The following INPP4B variants were observed in gnomAD, a reference collection of about 807,000 sequenced individuals.
INPP4B encodes the protein inositol polyphosphate-4-phosphatase type II B.
A neutral mutation model predicts 122.5 loss-of-function variants in INPP4B; 55 were observed. The ratio of observed to expected loss-of-function variants is 0.45; its 90% CI spans 0.36 to 0.56. INPP4B has a LOEUF of 0.56. Ranked by LOEUF, INPP4B falls within the 20% of genes least tolerant of loss-of-function variation. The pLI, the probability that INPP4B is intolerant of heterozygous loss-of-function variation, is 0.00. For missense variants in INPP4B, 1,000 were observed against 1,097.7 expected (o/e 0.91, Z 1.26); for synonymous variants, 403 against 388.7 (o/e 1.04, Z -0.43).
chr4:142,390,061 T>C (rs1354091416), intron 7 of INPP4B, among the ~76,000 whole-genome samples: 1 of 152,182 alleles, frequency 6.6e-6, no homozygotes, highest in Non-Finnish European at 1.5e-5. Flanking sequence ...CAGACCTTTC[T>C]TAGAGCACTG....
intron 10 of INPP4B, among the ~76,000 whole-genome samples, chr4:142,269,561 G>C (rs1390817002): frequency 6.6e-6 from 1 of 152,134 alleles, no homozygotes; most frequent in Non-Finnish European, 1.5e-5. Context: ...AGAGGCTGGG[G>C]GAGGGAAAGT....
At chr4:142,524,531 G>A (rs1311118632) in intron 2 of INPP4B, among the ~76,000 whole-genome samples, 2 of 151,764 alleles carry the variant, frequency 1.3e-5, no homozygotes, top group Admixed American at 6.6e-5. Flanking sequence ...AAATTTGTTT[G>A]AGTTCATTGT....
chr4:142,158,643 A>G (rs192272141), intron 17 of INPP4B, among the ~76,000 whole-genome samples: 139 of 152,226 alleles, frequency 9.1e-4, no homozygotes, highest in Admixed American at 7.2e-4. Flanking sequence ...ATTTGTTTAC[A>G]TATTTTTATC....
At chr4:142,522,211 T>C (rs1460904401) in intron 2 of INPP4B, among the ~76,000 whole-genome samples, 2 of 152,178 alleles carry the variant, frequency 1.3e-5, no homozygotes, top group Non-Finnish European at 2.9e-5. Flanking sequence ...AGTTTGTATT[T>C]CAGTATCTTA....
intron 2 of INPP4B, among the ~76,000 whole-genome samples, chr4:142,566,612 C>T (rs899683713): frequency 6.6e-6 from 1 of 152,118 alleles, no homozygotes; most frequent in Non-Finnish European, 1.5e-5. Context: ...AGGGATAACA[C>T]ATAGGAATGA....
intron 5 of INPP4B, among the ~76,000 whole-genome samples, chr4:142,407,157 C>A (rs1803600175): frequency 6.6e-6 from 1 of 152,180 alleles, no homozygotes; most frequent in South Asian, 2.1e-4. Flanking sequence ...CCTTTACTTG[C>A]AATATGAATG....
chr4:142,454,952 GGAGAA>G (rs1442824149), intron 3 of INPP4B, among the ~76,000 whole-genome samples: 1 of 151,922 alleles, frequency 6.6e-6, no homozygotes, highest in Non-Finnish European at 1.5e-5. Flanking sequence ...GTTAAAATTT[GGAGAA>G]GTTAACCTTA....
chr4:142,811,251 G>C (rs1779483126), intron 1 of INPP4B, among the ~76,000 whole-genome samples: 1 of 152,164 alleles, frequency 6.6e-6, no homozygotes, highest in African/African-American at 2.4e-5. Flanking sequence ...CATTGCCTCA[G>C]AGGAGCATAA....
chr4:142,792,034 C>A (rs1776622002), intron 1 of INPP4B, among the ~76,000 whole-genome samples: 1 of 152,012 alleles, frequency 6.6e-6, no homozygotes, highest in African/African-American at 2.4e-5. Flanking sequence ...AAGTAAATAA[C>A]CCTATAATGC....
chr4:142,650,628 C>T (rs1752740933), intron 2 of INPP4B, among the ~76,000 whole-genome samples: 1 of 151,740 alleles, frequency 6.6e-6, no homozygotes, highest in Admixed American at 6.6e-5. Flanking sequence ...CAAAGAAGGC[C>T]ATCACACAAT....
At chr4:142,687,304 C>T (rs1035739437) in intron 2 of INPP4B, among the ~76,000 whole-genome samples, 7 of 151,852 alleles carry the variant, frequency 4.6e-5, no homozygotes, top group Non-Finnish European at 7.4e-5. Context: ...TGCTTCAGAG[C>T]GCTTTTAAAA....
At chr4:142,303,974 C>T (rs1407701741) in intron 9 of INPP4B, among the ~76,000 whole-genome samples, 1 of 151,998 alleles carries the variant, frequency 6.6e-6, no homozygotes, top group Non-Finnish European at 1.5e-5. Context: ...TGTTTCAAAC[C>T]AATGTCTAAA....
At chr4:142,783,402 A>G (rs969164296) in intron 1 of INPP4B, among the ~76,000 whole-genome samples, 13 of 152,198 alleles carry the variant, frequency 8.5e-5, no homozygotes, top group African/African-American at 3.1e-4. Context: ...CAGCCAAAAA[A>G]CACATGAAAA....
intron 18 of INPP4B, among the ~76,000 whole-genome samples, chr4:142,126,670 T>C (rs954720805): frequency 6.6e-6 from 1 of 152,112 alleles, no homozygotes; most frequent in Non-Finnish European, 1.5e-5. Context: ...GACAAACTTA[T>C]AGGCAGCCTA....
chr4:142,279,017 A>G (rs1004641419), intron 9 of INPP4B, among the ~76,000 whole-genome samples: 8 of 152,062 alleles, frequency 5.3e-5, no homozygotes, highest in South Asian at 2.1e-4. Context: ...ATATCTGGCA[A>G]TGAACAATTA....
intron 2 of INPP4B, among the ~76,000 whole-genome samples, chr4:142,635,919 G>T (rs1749052662): frequency 1.3e-5 from 2 of 152,084 alleles, no homozygotes; most frequent in Admixed American, 6.6e-5. Context: ...AAAAATAACT[G>T]CATTTCTATA....
rs899417669 is a variant in INPP4B at position 142,431,365 on chromosome 4, T to C, written c.-106A>G. On this transcript the variant is annotated 5_prime_UTR_variant, in exon 4 of 26. Transcript: ENST00000262992. ...GTATCTTCACACTAAAGATCTGATA[T>C]CCCACTCTGAAATTCTGTACCTAGG... The C allele has an allele frequency of 1.3e-6, 1 of 765,332 alleles. No homozygotes were observed. Among genetic ancestry groups the C allele is most frequent in the African/African-American group, 1.7e-5 (1 of 57,382 alleles). The allele number at this position is 765,332 out of a possible 1,614,324, so 47.4% of individuals were successfully genotyped here.
chr4:142,369,227 T>G (rs1473494271), intron 7 of INPP4B, among the ~76,000 whole-genome samples: 1 of 152,144 alleles, frequency 6.6e-6, no homozygotes, highest in Non-Finnish European at 1.5e-5. Context: ...TCAAAATAAC[T>G]TCTGAGAGCC....
intron 2 of INPP4B, among the ~76,000 whole-genome samples, chr4:142,649,508 C>A (rs1752489529): frequency 6.6e-6 from 1 of 152,124 alleles, no homozygotes; most frequent in Non-Finnish European, 1.5e-5. Context: ...CTAGGATAAA[C>A]AGTGTAGAGA....
Sources: allele counts gnomAD v4.1 joint callset (sites outside exome capture counted in the v4.1 genomes callset), GRCh38; gene constraint gnomAD v4.1.1; transcripts MANE v1.5; gene names NCBI Gene and HGNC (gene_info 2026-07-23, HGNC 2026-07-21).